The following NFIA variants were observed in gnomAD, a reference collection of about 807,000 sequenced individuals.
NFIA encodes nuclear factor I A.
NFIA carries 8 observed loss-of-function variants against 62.8 expected under a neutral mutation model. The ratio of observed to expected loss-of-function variants is 0.13; its 90% confidence interval spans 0.07 to 0.23. The LOEUF (loss-of-function observed/expected upper bound fraction) is 0.23. Ranked by LOEUF, NFIA falls within the 10% of genes least tolerant of loss-of-function variation. The pLI, the probability that NFIA is intolerant of heterozygous loss-of-function variation, is 1.00. For missense variants in NFIA, 410 were observed against 642.1 expected, an observed-to-expected ratio of 0.64 and a Z score of 3.91; for synonymous variants, 235 against 238.1, an observed-to-expected ratio of 0.99 and a Z score of 0.12.
chr1:61,367,975 G>A (rs1431003984), intron 6 of NFIA, among the ~76,000 whole-genome samples: 4 of 152,152 alleles, frequency 2.6e-5, no homozygotes, highest in African/African-American at 9.7e-5. Context: ...TTTGTCCTTC[G>A]AGTAGGATCA....
chr1:61,417,937 G>A (rs1192932172), intron 9 of NFIA, among the ~76,000 whole-genome samples: 1 of 152,122 alleles, frequency 6.6e-6, no homozygotes, highest in Non-Finnish European at 1.5e-5. Flanking sequence ...GGAGATTGGA[G>A]TAATGTCCAT....
At chr1:61,320,809 T>A (rs1660642518) in intron 3 of NFIA, among the ~76,000 whole-genome samples, 3 of 152,182 alleles carry the variant, frequency 2.0e-5, no homozygotes, top group Admixed American at 6.5e-5. Context: ...CTGTTTAACG[T>A]CCATGAACCA....
chr1:61,129,217 C>T (rs947260352), intron 2 of NFIA, among the ~76,000 whole-genome samples: 7 of 151,258 alleles, frequency 4.6e-5, no homozygotes, highest in Non-Finnish European at 7.4e-5. Flanking sequence ...CCACCGCGCC[C>T]GGCCTACTTA....
Position 61,404,098 on chromosome 1 carries a change from C to T in NFIA, c.1076-6C>T, listed in dbSNP as rs182288368. ...TTCATAACCCTGATGTTTTCTTTTCCTGCAGCAAGTCCGCATGCAACACCA... is the reference window on the plus strand; with the variant it reads ...TTCATAACCCTGATGTTTTCTTTTCTTGCAGCAAGTCCGCATGCAACACCA... On this transcript the variant is annotated splice_polypyrimidine_tract_variant and splice_region_variant and intron_variant, in intron 7 of 10. Transcript: ENST00000403491. 2.4e-4 allele frequency: 385 copies of T among 1,613,554 alleles called. 5 individuals carry two copies. The East Asian group carries it at 8.5e-3, about 35-fold the overall frequency.
intron 7 of NFIA, among the ~76,000 whole-genome samples, chr1:61,388,198 G>A (rs1389325586): frequency 6.6e-6 from 1 of 152,120 alleles, no homozygotes; most frequent in Admixed American, 6.5e-5. Flanking sequence ...ATCGATAGGG[G>A]GAAGATATTA....
intron 2 of NFIA, among the ~76,000 whole-genome samples, chr1:61,184,614 G>A (rs1651025254): frequency 6.6e-6 from 1 of 152,216 alleles, no homozygotes; most frequent in Admixed American, 6.5e-5. Context: ...CTGGTGGACC[G>A]ACACACTCTA....
intron 2 of NFIA, among the ~76,000 whole-genome samples, chr1:61,218,964 G>A (rs938952575): frequency 1.3e-5 from 2 of 152,218 alleles, no homozygotes; most frequent in Admixed American, 1.3e-4. Flanking sequence ...AGGCGTGGTG[G>A]CTCACGCCTA....
At chr1:61,244,306 G>A (rs914057840) in intron 2 of NFIA, among the ~76,000 whole-genome samples, 1 of 152,208 alleles carries the variant, frequency 6.6e-6, no homozygotes, top group African/African-American at 2.4e-5. Context: ...AGGCTTTGAA[G>A]GGGTTGAGGT....
At chr1:61,225,061 G>C (rs1355031442) in intron 2 of NFIA, among the ~76,000 whole-genome samples, 2 of 151,696 alleles carry the variant, frequency 1.3e-5, no homozygotes, top group African/African-American at 4.8e-5. Context: ...CATGACATAG[G>C]AATCTATTGA....
chr1:61,303,103 G>A (rs1396934672), intron 3 of NFIA, among the ~76,000 whole-genome samples: 1 of 152,178 alleles, frequency 6.6e-6, no homozygotes, highest in African/African-American at 2.4e-5. Flanking sequence ...AATGATCTGT[G>A]CACTGTGTCT....
chr1:61,256,364 A>G (rs1656394775), intron 2 of NFIA, among the ~76,000 whole-genome samples: 1 of 148,916 alleles, frequency 6.7e-6, no homozygotes, highest in Non-Finnish European at 1.5e-5. Flanking sequence ...TGAACCGAGG[A>G]GACAGAGGTT....
intron 2 of NFIA, among the ~76,000 whole-genome samples, chr1:61,196,647 G>T (rs1270037237): frequency 1.3e-5 from 2 of 151,842 alleles, no homozygotes; most frequent in Non-Finnish European, 2.9e-5. Context: ...ATGCATATTT[G>T]CTGTCCAAAC....
rs1035961709 is a variant in NFIA at position 61,426,643 on chromosome 1, C to G, written c.1512+87C>G. 1.5e-5 allele frequency: 14 copies of G among 961,112 alleles called. 1 individual carries two copies. The highest frequency in any genetic ancestry group is 8.1e-5 in the African/African-American group (5 of 61,632). The allele number at this position is 961,112 out of a possible 1,614,324, so 59.5% of individuals were successfully genotyped here. A position where few individuals can be genotyped will look rare whatever the true frequency, so the allele number is the denominator to read the frequency against. On this transcript the variant is annotated intron_variant, in intron 10 of 10. Transcript: ENST00000403491. ...AACTTGTCTTTTGCACAAAAGGCCACATTTTCCAGACCCTGTCCAGTCTTC... is the reference window on the plus strand; with the variant it reads ...AACTTGTCTTTTGCACAAAAGGCCAGATTTTCCAGACCCTGTCCAGTCTTC...
At chr1:61,341,940 T>C (rs1661942998) in intron 4 of NFIA, among the ~76,000 whole-genome samples, 1 of 152,162 alleles carries the variant, frequency 6.6e-6, no homozygotes, top group Non-Finnish European at 1.5e-5. Flanking sequence ...GGGCCACAAA[T>C]ATTATTGAGA....
intron 5 of NFIA, among the ~76,000 whole-genome samples, chr1:61,358,493 G>C (rs186044052): frequency 0.027 from 3,733 of 138,032 alleles, 105 homozygotes; most frequent in South Asian, 0.14. Context: ...TCAAGCAATT[G>C]TCCTGCCTCA....
chr1:61,111,427 T>C (rs994738886), intron 2 of NFIA, among the ~76,000 whole-genome samples: 1 of 152,140 alleles, frequency 6.6e-6, no homozygotes, highest in African/African-American at 2.4e-5. Flanking sequence ...GACTCTGAAA[T>C]CTGCTTATAC....
chr1:61,114,989 T>C (rs1468102393), intron 2 of NFIA, among the ~76,000 whole-genome samples: 3 of 152,206 alleles, frequency 2.0e-5, no homozygotes, highest in Non-Finnish European at 2.9e-5. Context: ...GTTTTGTTTT[T>C]GTTTATTTTG....
At chr1:61,317,224 T>TC (rs1194990883) in intron 3 of NFIA, among the ~76,000 whole-genome samples, 1 of 152,092 alleles carries the variant, frequency 6.6e-6, no homozygotes, top group African/African-American at 2.4e-5. Context: ...TCTATATACT[T>TC]CTGTACATTA....
chr1:61,255,922 C>T (rs1393505339), intron 2 of NFIA, among the ~76,000 whole-genome samples: 3 of 152,052 alleles, frequency 2.0e-5, no homozygotes, highest in African/African-American at 4.8e-5. Flanking sequence ...CTAATGTGGC[C>T]GCTGCTAGGC....
Sources: gnomAD v4.1 joint callset for allele counts (sites outside exome capture counted in the v4.1 genomes callset) on GRCh38, gnomAD v4.1.1 for gene constraint, MANE v1.5 for transcripts, NCBI Gene and HGNC (gene_info 2026-07-23, HGNC 2026-07-21) for gene names.